Variants in FSTL5 observed in about 807,000 individuals in gnomAD.
The protein encoded by FSTL5 is follistatin like 5.
FSTL5 carries 62 observed loss-of-function variants against 89.1 expected under a neutral mutation model. The ratio of observed to expected loss-of-function variants is 0.70; its 90% confidence interval spans 0.57 to 0.86. FSTL5 has a LOEUF of 0.86. Among genes scored for constraint, FSTL5 ranks in the 40% least tolerant of loss-of-function variants. FSTL5 has a pLI of 0.00. For synonymous variants in FSTL5, 383 were observed against 346.2 expected, an observed-to-expected ratio of 1.11 and a Z score of -1.18; for missense variants, 1,057 against 1,001.6, an observed-to-expected ratio of 1.06 and a Z score of -0.75.
chr4:161,585,112 G>T (rs1027533488), intron 8 of FSTL5, among the ~76,000 whole-genome samples: 1 of 152,202 alleles, frequency 6.6e-6, no homozygotes, highest in East Asian at 1.9e-4. Flanking sequence ...TTCATTCATG[G>T]GAGGGGATGA....
intron 4 of FSTL5, among the ~76,000 whole-genome samples, chr4:161,899,724 G>T (rs62331164): frequency 0.34 from 51,774 of 152,070 alleles, 9,554 homozygotes; most frequent in South Asian, 0.42. Context: ...AATATATGTT[G>T]ACAAGTAAGT....
chr4:161,866,507 T>TGTGTGTGTGG (rs945178320), intron 4 of FSTL5, among the ~76,000 whole-genome samples: 8 of 146,160 alleles, frequency 5.5e-5, no homozygotes, highest in African/African-American at 1.8e-4. Flanking sequence ...TGTGTGTGTG[T>TGTGTGTGTGG]GGTTTCAATC....
chr4:161,839,576 T>C (rs1305446670), intron 4 of FSTL5, among the ~76,000 whole-genome samples: 4 of 152,030 alleles, frequency 2.6e-5, no homozygotes, highest in African/African-American at 7.2e-5. Flanking sequence ...TCACAAACTA[T>C]ATATTAAATA....
intron 6 of FSTL5, among the ~76,000 whole-genome samples, chr4:161,658,420 C>CT (rs1317952490): frequency 1.3e-5 from 2 of 151,630 alleles, no homozygotes; most frequent in Non-Finnish European, 1.5e-5. Context: ...GATCATGCCA[C>CT]TGCACTCCAG....
chr4:161,405,499 G>C (rs2110919594), intron 15 of FSTL5, among the ~76,000 whole-genome samples: 1 of 152,114 alleles, frequency 6.6e-6, no homozygotes, highest in South Asian at 2.1e-4. Context: ...AGAGGTAAAT[G>C]AAATTACTCT....
At chr4:161,670,048 A>C (rs1327375158) in intron 6 of FSTL5, among the ~76,000 whole-genome samples, 1 of 152,222 alleles carries the variant, frequency 6.6e-6, no homozygotes, top group Non-Finnish European at 1.5e-5. Flanking sequence ...ATTTGAAAAA[A>C]AAGACATTAT....
At chr4:161,949,233 C>T (rs1734822121) in intron 3 of FSTL5, among the ~76,000 whole-genome samples, 2 of 152,080 alleles carry the variant, frequency 1.3e-5, no homozygotes, top group African/African-American at 4.8e-5. Context: ...TTATAAGGGC[C>T]TTTGTAATTA....
intron 1 of FSTL5, among the ~76,000 whole-genome samples, chr4:162,154,561 T>C (rs1733391680): frequency 6.6e-6 from 1 of 152,198 alleles, no homozygotes; most frequent in Non-Finnish European, 1.5e-5. Flanking sequence ...ATAGTCCATG[T>C]TGCATGCAAT....
chr4:161,661,257 G>A (rs1038339528), intron 6 of FSTL5, among the ~76,000 whole-genome samples: 1 of 152,042 alleles, frequency 6.6e-6, no homozygotes, highest in African/African-American at 2.4e-5. Flanking sequence ...CATCTTTGAT[G>A]TTTCTAACTA....
chr4:161,752,034 T>G (rs962599256), intron 6 of FSTL5, among the ~76,000 whole-genome samples: 1 of 152,202 alleles, frequency 6.6e-6, no homozygotes, highest in Non-Finnish European at 1.5e-5. Flanking sequence ...AGGTTTAGTC[T>G]TTCAGAGATA....
At chr4:161,722,044 GA>G (rs1739237608) in intron 6 of FSTL5, among the ~76,000 whole-genome samples, 1 of 151,396 alleles carries the variant, frequency 6.6e-6, no homozygotes, top group African/African-American at 2.4e-5. Context: ...AATACAAATG[GA>G]AAAAAAAGAC....
At chr4:161,584,803 T>A (rs2126604060) in intron 8 of FSTL5, among the ~76,000 whole-genome samples, 1 of 152,260 alleles carries the variant, frequency 6.6e-6, no homozygotes, top group African/African-American at 2.4e-5. Context: ...TGGTTTTCTC[T>A]CCAAACCCCA....
chr4:161,597,564 C>T (rs1734064454), intron 7 of FSTL5, among the ~76,000 whole-genome samples: 1 of 151,348 alleles, frequency 6.6e-6, no homozygotes, highest in Admixed American at 6.6e-5. Context: ...ACCAATATGG[C>T]ACATGTATAC....
chr4:161,530,561 T>A (rs1396298595), intron 10 of FSTL5, among the ~76,000 whole-genome samples: 2 of 152,030 alleles, frequency 1.3e-5, no homozygotes, highest in Admixed American at 1.3e-4. Flanking sequence ...TGGAGCTAAT[T>A]CTAAAGTAAG....
chr4:161,413,060 T>C (rs911171560), intron 15 of FSTL5, among the ~76,000 whole-genome samples: 1 of 151,844 alleles, frequency 6.6e-6, no homozygotes, highest in African/African-American at 2.4e-5. Flanking sequence ...AAACGAACAA[T>C]GGGACCTTTT....
At chr4:162,067,088 T>G (rs1322040760) in intron 2 of FSTL5, among the ~76,000 whole-genome samples, 1 of 152,032 alleles carries the variant, frequency 6.6e-6, no homozygotes, top group Admixed American at 6.6e-5. Flanking sequence ...CAGGCTGGAG[T>G]GCACTGTTGT....
chr4:161,465,052 C>T (rs531236485), intron 13 of FSTL5, among the ~76,000 whole-genome samples: 1 of 152,084 alleles, frequency 6.6e-6, no homozygotes, highest in South Asian at 2.1e-4. Flanking sequence ...TTGTTGATGC[C>T]TTCATATTGT....
At chr4:161,636,325 C>A (rs1191357472) in intron 7 of FSTL5, among the ~76,000 whole-genome samples, 2 of 151,796 alleles carry the variant, frequency 1.3e-5, no homozygotes, top group Non-Finnish European at 2.9e-5. Flanking sequence ...CAAGATAAGG[C>A]AAATAAGAAT....
intron 8 of FSTL5, among the ~76,000 whole-genome samples, chr4:161,557,139 G>A (rs951245385): frequency 6.6e-6 from 1 of 151,166 alleles, no homozygotes; most frequent in Non-Finnish European, 1.5e-5. Flanking sequence ...CCTTGTTTGA[G>A]TATCATCACT....
Sources: gnomAD v4.1 joint callset for allele counts (sites outside exome capture counted in the v4.1 genomes callset) on GRCh38, gnomAD v4.1.1 for gene constraint, MANE v1.5 for transcripts, NCBI Gene and HGNC (gene_info 2026-07-23, HGNC 2026-07-21) for gene names.